The following HMCN2 variants were observed in gnomAD, a reference collection of about 807,000 sequenced individuals.
The protein encoded by HMCN2 is hemicentin-2.
Under a neutral mutation model 377.5 loss-of-function variants are expected in HMCN2, and 325 were observed. The ratio of observed to expected loss-of-function variants is 0.86; its 90% CI spans 0.79 to 0.94. The LOEUF is 0.94. Among genes scored for constraint, HMCN2 ranks in the 40% least tolerant of loss-of-function variants. HMCN2 has a pLI of 0.00. For missense variants in HMCN2, 4,543 were observed against 4,725.3 expected (o/e 0.96, Z 1.13); for synonymous variants, 2,007 against 2,046.8 (o/e 0.98, Z 0.53).
intron 73 of HMCN2, 56 bp from the exon 74 acceptor site, chr9:130,397,472 C>T (rs1842661912): frequency 7.8e-7 from 1 of 1,276,868 alleles, no homozygotes; most frequent in Non-Finnish European, 1.0e-6. Context: ...TAGAGACAGC[C>T]TTGCTCCAGA....
At chr9:130,355,684 G>T in intron 32 of HMCN2, 62 bp from the exon 33 acceptor site, 2 of 969,494 alleles carry the variant, frequency 2.1e-6, no homozygotes, top group Non-Finnish European at 2.9e-6. Context: ...CTGGGGACTT[G>T]GGAGGGTTTG....
chr9:130,349,866 T>C (rs1160379953), intron 29 of HMCN2, among the ~76,000 whole-genome samples: 4 of 149,758 alleles, frequency 2.7e-5, no homozygotes, highest in African/African-American at 7.4e-5. Flanking sequence ...CTCAGCAAAG[T>C]CTTCTCATCT....
rs1842918555 is a variant in HMCN2, at chr9:130,402,835, C to T, written c.11817C>T (p.Tyr3939=). ...GQALPIHAGR[Y]TCSARNSAGV... is the part of the protein sequence containing the mutation. ...CCCTCCCCATCCACGCAGGCCGCTA[C>T]ACCTGCTCAGCCCGCAACTCTGCCG... The change falls in exon 78 of 98, where the codon TAC becomes TAT. Residue 3939 remains tyrosine, a synonymous_variant. Transcript: ENST00000683500. 3.1e-6 allele frequency: 4 copies of T among 1,289,698 alleles called. No homozygotes were observed. Among genetic ancestry groups the T allele is most frequent in the South Asian group, 2.5e-5 (2 of 81,038 alleles). The allele number at this position is 1,289,698 out of a possible 1,614,324, so 79.9% of individuals were successfully genotyped here.
Position 130,407,632 on chromosome 9 carries a change from C to G in HMCN2, c.12615C>G (p.Asp4205Glu). The change falls in exon 83 of 98, where the codon GAC becomes GAG. Residue 4205 changes from aspartate (D) to glutamate (E), a missense_variant. Transcript: ENST00000683500. ...TLQRAAVSRE[D>E]SGTYVCWAEN... is the part of the protein sequence containing the mutation. The stretch of plus-strand genomic sequence containing the variant: ...AGCGGGCCGCTGTCTCCAGAGAAGA[C>G]AGCGGGACCTATGTCTGCTGGGCGG... 7.8e-7 allele frequency: 1 copy of G among 1,286,892 alleles called. No individual in the cohort carries two copies. The highest frequency in any genetic ancestry group is 1.0e-6 in the Non-Finnish European group (1 of 987,074). 79.7% of individuals were successfully genotyped at this position (1,286,892 alleles called of 1,614,324 possible).
rs1164573507 is a variant in HMCN2 at position 130,384,811 on chromosome 9, C to T, written c.9106+13C>T. 4 of 1,292,492 alleles carry T rather than the reference C, an allele frequency of 3.1e-6. No homozygotes were observed. The highest frequency in any genetic ancestry group is 1.5e-5 in the African/African-American group (1 of 65,630). 80.1% of individuals were successfully genotyped at this position (1,292,492 alleles called of 1,614,324 possible). A position where few individuals can be genotyped will look rare whatever the true frequency, so the allele number is the denominator to read the frequency against. The stretch of plus-strand genomic sequence containing the variant: ...CTCAGTGTTCTGGGTATGTCCATGT[C>T]TGTCCCCAACTTGTACTGTCCCCAC... On this transcript the variant is annotated intron_variant, in intron 59 of 97. Transcript: ENST00000683500.
intron 86 of HMCN2, among the ~76,000 whole-genome samples, chr9:130,420,309 C>T (rs760662002): frequency 1.2e-4 from 18 of 152,002 alleles, no homozygotes; most frequent in Non-Finnish European, 2.2e-4. Context: ...CTCCTGACCT[C>T]GTGATCCGCC....
chr9:130,349,626 G>T lies in HMCN2; in HGVS notation c.4393G>T (p.Val1465Phe). Residue 1465 changes from valine to phenylalanine, a missense_variant, in exon 29 of 98, where the codon GTC (valine) becomes TTC (phenylalanine). Val to Phe is a conservative substitution (Grantham distance 50). Around this residue, in one of 5 missense-constraint regions of HMCN2, gnomAD observed 1,032 missense variants for 1,285.1 expected, o/e 0.80. Coordinates refer to ENST00000683500, the MANE Select transcript of HMCN2 (RefSeq NM_001291815.2). ...GGAGCTGCAGTGTTGGACCTCAGGGGTCCCCACGCCCCAGGTGGAGTGGAC... is the reference window on the plus strand; with the variant it reads ...GGAGCTGCAGTGTTGGACCTCAGGGTTCCCCACGCCCCAGGTGGAGTGGAC... Reference protein sequence around the residue: ...DVELQCWTSGVPTPQVEWTKD... With the variant: ...DVELQCWTSGFPTPQVEWTKD... 1 of 1,304,112 alleles carries T rather than the reference G, an allele frequency of 7.7e-7. No individual in the cohort carries two copies. Among genetic ancestry groups the T allele is most frequent in the South Asian group, 1.2e-5 (1 of 81,020 alleles). 80.8% of individuals were successfully genotyped at this position (1,304,112 alleles called of 1,614,324 possible). A position where few individuals can be genotyped will look rare whatever the true frequency, so the allele number is the denominator to read the frequency against.
intron 12 of HMCN2, 74 bp downstream of exon 12, chr9:130,306,344 T>A: frequency 2.2e-6 from 1 of 447,388 alleles, no homozygotes; most frequent in Non-Finnish European, 4.7e-6. Flanking sequence ...TCTCTGGGCC[T>A]TGGCCTTCCT....
chr9:130,317,998 G>A (rs1484855061), intron 15 of HMCN2, among the ~76,000 whole-genome samples: 4 of 152,080 alleles, frequency 2.6e-5, no homozygotes, highest in African/African-American at 4.8e-5. Flanking sequence ...GGTAGGTGAG[G>A]TATGGCAAAG....
At chr9:130,283,477 T>C (rs1299628377) in intron 1 of HMCN2, among the ~76,000 whole-genome samples, 2 of 150,720 alleles carry the variant, frequency 1.3e-5, no homozygotes, top group Admixed American at 6.6e-5. Context: ...GGGGTAAATT[T>C]ACATACATTG....
intron 22 of HMCN2, among the ~76,000 whole-genome samples, chr9:130,328,978 T>C (rs1838285491): frequency 3.9e-5 from 6 of 152,242 alleles, no homozygotes; most frequent in Admixed American, 3.3e-4. Flanking sequence ...ACCTGCTTTT[T>C]AAATATAAAA....
intron 87 of HMCN2, 26 bp from the exon 88 acceptor site, chr9:130,424,750 C>A: frequency 1.3e-6 from 2 of 1,515,832 alleles, no homozygotes; most frequent in South Asian, 2.5e-5. Context: ...AGCTCTAACC[C>A]GGCCTCTATG....
intron 78 of HMCN2, 92 bp downstream of exon 78, chr9:130,402,988 C>A: frequency 9.3e-7 from 1 of 1,078,208 alleles, no homozygotes; most frequent in Non-Finnish European, 1.2e-6. Context: ...GGAGGTGAGG[C>A]CCCGGGTCTC....
chr9:130,415,631 G>A (rs896869936), intron 85 of HMCN2, among the ~76,000 whole-genome samples: 2 of 152,220 alleles, frequency 1.3e-5, no homozygotes, highest in African/African-American at 2.4e-5. Flanking sequence ...TCAGCAAAAC[G>A]TGGCTGTGGA....
At chr9:130,320,129 C>T (rs1433910746) in intron 16 of HMCN2, among the ~76,000 whole-genome samples, 4 of 152,332 alleles carry the variant, frequency 2.6e-5, no homozygotes, top group Admixed American at 2.6e-4. Flanking sequence ...AAGGTACAGG[C>T]CAATTACCCC....
intron 22 of HMCN2, among the ~76,000 whole-genome samples, chr9:130,332,561 C>G (rs1241752864): frequency 8.6e-5 from 13 of 152,044 alleles, no homozygotes; most frequent in African/African-American, 3.1e-4. Flanking sequence ...GCAGCACCAG[C>G]ATCGCAGGGC....
At position 130,304,869 on chromosome 9, in the gene HMCN2, G is replaced by A. The variant is rs1554936066; in HGVS notation, c.1683G>A (p.Thr561=). The A allele has an allele frequency of 8.5e-6, 4 of 471,008 alleles. No homozygotes were observed. Among genetic ancestry groups the A allele is most frequent in the South Asian group, 1.5e-5 (1 of 64,572 alleles). The allele number at this position is 471,008 out of a possible 1,614,324, so 29.2% of individuals were successfully genotyped here. The change falls in exon 11 of 98, where the codon ACG becomes ACA. Residue 561 remains threonine (T), a synonymous_variant. Coordinates refer to ENST00000683500, the MANE Select transcript of HMCN2 (RefSeq NM_001291815.2). This position sits in a 1 kb window ranked among gnomAD's most constrained non-coding sequence, Gnocchi z 4.3. ...ACTGGCGAGTCCTGCCGGCCTCGAC[G>A]GGCCGAGTTGCCCAGCTGGCTGACC... The part of the protein sequence containing the change: ...VRDWRVLPAS[T]GRVAQLADLS...
chr9:130,364,851 C>T lies in HMCN2; in HGVS notation c.6370C>T (p.Pro2124Ser), dbSNP rs983362591. Residue 2124 changes from proline (P) to serine (S), a missense_variant, in exon 41 of 98, where the codon CCT (proline) becomes TCT (serine). This residue lies in a region of HMCN2 where 1,032 missense variants were observed against 1,285.1 expected (regional missense o/e 0.80). Coordinates refer to ENST00000683500, the MANE Select transcript of HMCN2 (RefSeq NM_001291815.2). ...WKDGRPLEPR[P>S]GVHLSADKAL... ...GGACGGGCGGCCCCTGGAACCACGG[C>T]CTGGAGTCCACCTCTCCGCAGACAA... 19 of 985,928 alleles carry T rather than the reference C, an allele frequency of 1.9e-5. No individual in the cohort carries two copies. In the African/African-American group the frequency reaches 3.1e-4, roughly 16 times the overall value. The allele number at this position is 985,928 out of a possible 1,614,324, so 61.1% of individuals were successfully genotyped here. A position where few individuals can be genotyped will look rare whatever the true frequency, so the allele number is the denominator to read the frequency against.
In HMCN2 at chr9:130,403,335, G is replaced by GC. The variant is rs1385216188; in HGVS notation, c.12013+11dup. 7 of 1,289,672 alleles carry GC rather than the reference G, an allele frequency of 5.4e-6. No individual in the cohort carries two copies. The Admixed American group carries it at 6.9e-5, about 13-fold the overall frequency. 79.9% of individuals were successfully genotyped at this position (1,289,672 alleles called of 1,614,324 possible). A position where few individuals can be genotyped will look rare whatever the true frequency, so the allele number is the denominator to read the frequency against. On this transcript the variant is annotated splice_region_variant and intron_variant, in intron 79 of 97. Coordinates refer to ENST00000683500, the MANE Select transcript of HMCN2 (RefSeq NM_001291815.2). ...GGGCTCAACGTCGCTACTGGTGAGGGCCCCTGGCAGCCAGCCTGGGAAGGG... is the reference window on the plus strand; with the variant it reads ...GGGCTCAACGTCGCTACTGGTGAGGGCCCCCTGGCAGCCAGCCTGGGAAGGG...
Sources: allele counts gnomAD v4.1 joint callset (sites outside exome capture counted in the v4.1 genomes callset), GRCh38; gene constraint gnomAD v4.1.1; regional missense constraint gnomAD v4.1.1; non-coding constraint Gnocchi (gnomAD v3.1); transcripts MANE v1.5; gene names NCBI Gene and HGNC (gene_info 2026-07-23, HGNC 2026-07-21).